CRPPA: variants seen among roughly 807,000 people sequenced by gnomAD.
The protein encoded by CRPPA is D-ribitol-5-phosphate cytidylyltransferase.
Under a neutral mutation model 52.0 loss-of-function variants are expected in CRPPA, and 43 were observed. The observed-to-expected ratio is 0.83, with a 90% CI of 0.65 to 1.07. The LOEUF (loss-of-function observed/expected upper bound fraction) is 1.07. Among genes scored for constraint, CRPPA ranks in the 50% least tolerant of loss-of-function variants. The pLI is 0.00. For synonymous variants in CRPPA, 250 were observed against 203.5 expected, an observed-to-expected ratio of 1.23 and a Z score of -1.94; for missense variants, 629 against 551.7, an observed-to-expected ratio of 1.14 and a Z score of -1.40.
At chr7:16,357,101 G>T (rs568092418) in intron 3 of CRPPA, among the ~76,000 whole-genome samples, 1 of 152,206 alleles carries the variant, frequency 6.6e-6, no homozygotes, top group African/African-American at 2.4e-5. Context: ...CTTTCCCATG[G>T]GTCCCTCAGG....
chr7:16,163,932 T>C (rs1780985538), intron 9 of CRPPA, among the ~76,000 whole-genome samples: 1 of 152,228 alleles, frequency 6.6e-6, no homozygotes, highest in Admixed American at 6.5e-5. Context: ...GACCTTTCTC[T>C]CTGGCTTAGC....
chr7:16,262,097 G>A (rs1783826526), intron 6 of CRPPA: 1 of 152,108 alleles, frequency 6.6e-6, no homozygotes, highest in South Asian at 2.1e-4. Context: ...ATCAACCACA[G>A]TAAGTTTTAT....
At chr7:16,093,323 T>C (rs886915535) in intron 9 of CRPPA, among the ~76,000 whole-genome samples, 3 of 152,164 alleles carry the variant, frequency 2.0e-5, no homozygotes, top group African/African-American at 4.8e-5. Context: ...CGGACTGCAA[T>C]TGCTTACCTT....
chr7:16,166,960 G>A (rs1212250516), intron 9 of CRPPA, among the ~76,000 whole-genome samples: 1 of 143,558 alleles, frequency 7.0e-6, no homozygotes, highest in Non-Finnish European at 1.5e-5. Context: ...ATGGAGTCTC[G>A]TGCTTTCGCC....
At chr7:16,338,142 A>G (rs1785733411) in intron 3 of CRPPA, among the ~76,000 whole-genome samples, 1 of 152,230 alleles carries the variant, frequency 6.6e-6, no homozygotes, top group Admixed American at 6.5e-5. Flanking sequence ...GGAGCAAAGA[A>G]AAAAATATTA....
chr7:16,283,440 T>C (rs1239513413), intron 5 of CRPPA, among the ~76,000 whole-genome samples: 6 of 150,268 alleles, frequency 4.0e-5, no homozygotes, highest in Admixed American at 2.7e-4. Context: ...TCATATATGA[T>C]ATATATGACA....
At chr7:16,201,810 T>C (rs78569357) in intron 9 of CRPPA, among the ~76,000 whole-genome samples, 5,459 of 152,284 alleles carry the variant, frequency 0.036, 347 homozygotes, top group East Asian at 0.3. Flanking sequence ...TAAATAATTG[T>C]ATTATTTGCA....
At chr7:16,213,744 C>T (rs553016724) in intron 9 of CRPPA, among the ~76,000 whole-genome samples, 67 of 135,462 alleles carry the variant, frequency 4.9e-4, no homozygotes, top group Non-Finnish European at 9.1e-4. Flanking sequence ...AGAAAAACTT[C>T]GGCTCAAAAA....
intron 9 of CRPPA, among the ~76,000 whole-genome samples, chr7:16,106,903 A>G (rs1782163645): frequency 6.6e-6 from 1 of 152,166 alleles, no homozygotes; most frequent in Non-Finnish European, 1.5e-5. Flanking sequence ...GAATTTGGAA[A>G]ACAAAGACTT....
At chr7:16,416,034 A>T (rs1788183717) in intron 1 of CRPPA, among the ~76,000 whole-genome samples, 1 of 152,208 alleles carries the variant, frequency 6.6e-6, no homozygotes, top group East Asian at 1.9e-4. Flanking sequence ...TTAAAAAATT[A>T]CAACTTCTCA....
intron 8 of CRPPA, among the ~76,000 whole-genome samples, chr7:16,247,532 A>G (rs1207659392): frequency 6.6e-6 from 1 of 152,226 alleles, no homozygotes; most frequent in East Asian, 1.9e-4. Flanking sequence ...TAGTAATATA[A>G]GAGATCACTG....
intron 9 of CRPPA, among the ~76,000 whole-genome samples, chr7:16,206,075 G>C (rs1781965908): frequency 6.6e-6 from 1 of 152,112 alleles, no homozygotes; most frequent in Non-Finnish European, 1.5e-5. Flanking sequence ...ATAGTATAAT[G>C]CAGATAGGTG....
intron 3 of CRPPA, among the ~76,000 whole-genome samples, chr7:16,343,624 G>A (rs77504884): frequency 0.075 from 5,001 of 66,692 alleles, 257 homozygotes; most frequent in African/African-American, 0.25. Context: ...CATCACAGTT[G>A]CATTAGATGG....
At chr7:16,337,241 A>C (rs1162889947) in intron 3 of CRPPA, among the ~76,000 whole-genome samples, 1 of 152,216 alleles carries the variant, frequency 6.6e-6, no homozygotes, top group Non-Finnish European at 1.5e-5. Context: ...TAAGTTTAAG[A>C]GGCTTGAAAT....
chr7:16,405,347 A>C (rs1787925795), intron 2 of CRPPA, among the ~76,000 whole-genome samples: 1 of 152,146 alleles, frequency 6.6e-6, no homozygotes, highest in Admixed American at 6.5e-5. Context: ...TGGACTCAGA[A>C]AGTTAAAAAC....
At position 16,278,163 on chromosome 7, in the gene CRPPA, T is replaced by C. The variant is rs1345477841; in HGVS notation, c.899A>G (p.His300Arg). The C allele has an allele frequency of 1.5e-5, 23 of 1,578,650 alleles. No homozygotes were observed. The highest frequency in any genetic ancestry group is 2.0e-5 in the Non-Finnish European group (23 of 1,154,070). The change falls in exon 6 of 10, where the codon CAT (histidine) becomes CGT (arginine). Residue 300 changes from histidine to arginine, a missense_variant. Physicochemically the swap from His to Arg is conservative, Grantham distance 29 (BLOSUM62 0). Transcript: ENST00000407010. ...ACTTTTCAGCACTTCTTCAAGAAGA[T>C]GACCTACATGTTTGTTATCTTCTTC... ...DTEEDNKHVG[H>R]LLEEVLKSEL...
intron 3 of CRPPA, among the ~76,000 whole-genome samples, chr7:16,358,111 C>A (rs953685948): frequency 1.2e-4 from 19 of 152,140 alleles, no homozygotes; most frequent in Admixed American, 1.2e-3. Flanking sequence ...AGGGTTTACA[C>A]AGGCAGAAGC....
chr7:16,304,922 A>C (rs1784875732), intron 4 of CRPPA, among the ~76,000 whole-genome samples: 1 of 152,190 alleles, frequency 6.6e-6, no homozygotes, highest in Non-Finnish European at 1.5e-5. Flanking sequence ...TTTTTGAATC[A>C]TGTTTCAAGT....
chr7:16,421,443 A>G lies in CRPPA; in HGVS notation c.-121T>C. ...CACGGAGAGGGACGCAGAGCGCGCA[A>G]GCAGAAGGCGCCCCCCTCAGCCGTC... is the stretch of plus-strand genomic sequence containing the variant. On this transcript the variant is annotated 5_prime_UTR_variant, in exon 1 of 10. Transcript: ENST00000407010. 2 of 1,002,104 alleles carry G rather than the reference A, an allele frequency of 2.0e-6. No homozygotes were observed. The highest frequency in any genetic ancestry group is 2.5e-6 in the Non-Finnish European group (2 of 786,464). 62.1% of individuals were successfully genotyped at this position (1,002,104 alleles called of 1,614,324 possible). A position where few individuals can be genotyped will look rare whatever the true frequency, so the allele number is the denominator to read the frequency against.
Sources: gnomAD v4.1 joint callset for allele counts (sites outside exome capture counted in the v4.1 genomes callset) on GRCh38, gnomAD v4.1.1 for gene constraint, MANE v1.5 for transcripts, NCBI Gene and HGNC (gene_info 2026-07-23, HGNC 2026-07-21) for gene names.